The following EXT1 variants were observed in gnomAD, a reference collection of about 807,000 sequenced individuals.
EXT1 encodes exostosin glycosyltransferase 1, also known as exostosin-1.
In EXT1, 20 loss-of-function variants were observed where a neutral mutation model predicts 82.5. That is an observed-to-expected ratio of 0.24 (90% confidence interval 0.17 to 0.35). The LOEUF (loss-of-function observed/expected upper bound fraction) is 0.35, where lower values mean the gene tolerates loss of function less well. Ranked by LOEUF, EXT1 falls within the 10% of genes least tolerant of loss-of-function variation. The pLI, the probability that EXT1 is intolerant of heterozygous loss-of-function variation, is 1.00. For synonymous variants in EXT1, 348 were observed against 350.8 expected (o/e 0.99, Z 0.09); for missense variants, 757 against 936.5 (o/e 0.81, Z 2.50).
At chr8:117,936,903 A>C (rs543145088) in intron 1 of EXT1, among the ~76,000 whole-genome samples, 20 of 147,700 alleles carry the variant, frequency 1.4e-4, no homozygotes, top group African/African-American at 5.4e-4. Context: ...CAAACAAACA[A>C]ATAAATAAAT....
At chr8:117,809,959 C>T (rs1823295499) in intron 8 of EXT1, among the ~76,000 whole-genome samples, 1 of 152,202 alleles carries the variant, frequency 6.6e-6, no homozygotes, top group African/African-American at 2.4e-5. Context: ...GGGGTGTTCT[C>T]ATCGCATGAA....
chr8:117,823,506 TAA>T (rs11323046), intron 4 of EXT1, among the ~76,000 whole-genome samples: 1 of 142,742 alleles, frequency 7.0e-6, no homozygotes, highest in Admixed American at 7.0e-5. Flanking sequence ...TTTTTTACAT[TAA>T]AAAAAAAAAA....
intron 1 of EXT1, among the ~76,000 whole-genome samples, chr8:117,909,756 G>T (rs1813610477): frequency 6.9e-6 from 1 of 144,936 alleles, no homozygotes. Flanking sequence ...AGAAAAGGTT[G>T]TAAATTAATT....
At chr8:117,964,508 G>A (rs1814765386) in intron 1 of EXT1, among the ~76,000 whole-genome samples, 1 of 152,160 alleles carries the variant, frequency 6.6e-6, no homozygotes, top group Non-Finnish European at 1.5e-5. Flanking sequence ...TTCTTTCCAA[G>A]TACAACCACA....
chr8:118,009,393 T>C (rs765258923), intron 1 of EXT1, among the ~76,000 whole-genome samples: 1 of 152,178 alleles, frequency 6.6e-6, no homozygotes, highest in Non-Finnish European at 1.5e-5. Flanking sequence ...AGGGCATAGA[T>C]TTGTGGCTCT....
chr8:117,991,111 C>CTTT (rs771949980), intron 1 of EXT1, among the ~76,000 whole-genome samples: 1 of 143,800 alleles, frequency 7.0e-6, no homozygotes, highest in Non-Finnish European at 1.5e-5. Flanking sequence ...ACTTCGATGT[C>CTTT]TTTTTTTTTT....
At chr8:118,010,199 C>A (rs1465948399) in intron 1 of EXT1, among the ~76,000 whole-genome samples, 3 of 151,690 alleles carry the variant, frequency 2.0e-5, no homozygotes, top group Admixed American at 6.6e-5. Flanking sequence ...AGTGAAACCC[C>A]ATCTCTACTA....
intron 1 of EXT1, among the ~76,000 whole-genome samples, chr8:117,915,400 T>G (rs1813728694): frequency 6.6e-6 from 1 of 151,986 alleles, no homozygotes; most frequent in Admixed American, 6.6e-5. Flanking sequence ...TAGATCTCCC[T>G]CATTCTTCTA....
At chr8:117,941,402 G>A (rs1814270820) in intron 1 of EXT1, among the ~76,000 whole-genome samples, 1 of 152,188 alleles carries the variant, frequency 6.6e-6, no homozygotes, top group South Asian at 2.1e-4. Flanking sequence ...TATGGAGGGG[G>A]GAATAGGCTA....
At chr8:118,003,484 C>A (rs1227105618) in intron 1 of EXT1, among the ~76,000 whole-genome samples, 1 of 152,092 alleles carries the variant, frequency 6.6e-6, no homozygotes, top group Non-Finnish European at 1.5e-5. Flanking sequence ...TTATGGGAAT[C>A]TGGATTCTTT....
chr8:117,868,566 C>T (rs1488546571), intron 1 of EXT1, among the ~76,000 whole-genome samples: 1 of 152,164 alleles, frequency 6.6e-6, no homozygotes, highest in Non-Finnish European at 1.5e-5. Context: ...ATCCTCCCAC[C>T]TCAGCCTCCT....
chr8:118,067,156 G>A lies in EXT1; in HGVS notation c.962+42929C>T, dbSNP rs28357312. 2.0e-5 allele frequency among the ~76,000 whole-genome samples: 3 copies of A among 152,322 alleles called. No individual in the cohort carries two copies. In the East Asian group the frequency reaches 5.8e-4, roughly 29 times the overall value. ...AAGAATGTAGTAGAAATGACACTGG[G>A]AGACTCTCAAGTCTAAACTTCAAGA... On this transcript the variant is annotated intron_variant, in intron 1 of 10. Coordinates refer to ENST00000378204, the MANE Select transcript of EXT1 (RefSeq NM_000127.3).
At chr8:118,018,831 G>T (rs1411468072) in intron 1 of EXT1, among the ~76,000 whole-genome samples, 4 of 152,102 alleles carry the variant, frequency 2.6e-5, no homozygotes, top group African/African-American at 7.2e-5. Flanking sequence ...ATTCACTCCA[G>T]CTCTGGGAAA....
At chr8:118,061,189 C>T (rs1007179837) in intron 1 of EXT1, among the ~76,000 whole-genome samples, 30 of 152,226 alleles carry the variant, frequency 2.0e-4, no homozygotes, top group African/African-American at 7.0e-4. Context: ...GCACACAAAA[C>T]ACGTGGCTCA....
intron 1 of EXT1, among the ~76,000 whole-genome samples, chr8:118,078,303 A>G (rs796430497): frequency 6.6e-5 from 10 of 152,300 alleles, no homozygotes; most frequent in African/African-American, 2.4e-4. Flanking sequence ...GGTTCAAGCA[A>G]TTCTCATGTC....
chr8:118,011,010 T>C (rs1815888576), intron 1 of EXT1, among the ~76,000 whole-genome samples: 1 of 152,134 alleles, frequency 6.6e-6, no homozygotes, highest in Non-Finnish European at 1.5e-5. Context: ...GGTAAGGAAA[T>C]GGGAGAGCCA....
intron 1 of EXT1, among the ~76,000 whole-genome samples, chr8:117,977,557 A>C (rs1295214492): frequency 6.6e-6 from 1 of 152,206 alleles, no homozygotes; most frequent in African/African-American, 2.4e-5. Flanking sequence ...TGGGGCTCAC[A>C]GTAGACCACA....
chr8:118,108,663 T>C, intron 1 of EXT1, among the ~76,000 whole-genome samples: 1 of 152,202 alleles, frequency 6.6e-6, no homozygotes, highest in East Asian at 1.9e-4. Flanking sequence ...AAGCTGAATC[T>C]GAGTGCTTGA....
intron 1 of EXT1, among the ~76,000 whole-genome samples, chr8:117,858,801 A>C (rs529731377): frequency 0.024 from 2,137 of 88,796 alleles, 304 homozygotes; most frequent in African/African-American, 0.093. Flanking sequence ...AAGGCAAGGC[A>C]AGGCAAGGCA....
Sources: allele counts gnomAD v4.1 joint callset (sites outside exome capture counted in the v4.1 genomes callset), GRCh38; gene constraint gnomAD v4.1.1; transcripts MANE v1.5; gene names NCBI Gene and HGNC (gene_info 2026-07-23, HGNC 2026-07-21).